SORCS3: variants seen among roughly 807,000 people sequenced by gnomAD.
SORCS3 encodes the protein sortilin related VPS10 domain containing receptor 3.
SORCS3 carries 57 observed loss-of-function variants against 146.3 expected under a neutral mutation model. The ratio of observed to expected loss-of-function variants is 0.39; its 90% CI spans 0.31 to 0.49. The LOEUF (loss-of-function observed/expected upper bound fraction) is 0.49. SORCS3 is among the 20% of genes least tolerant of loss of function. SORCS3 has a pLI of 0.92. For synonymous variants in SORCS3, 653 were observed against 618.5 expected, an observed-to-expected ratio of 1.06 and a Z score of -0.83; for missense variants, 1,341 against 1,575.5, an observed-to-expected ratio of 0.85 and a Z score of 2.52.
At chr10:104,967,151 G>C (rs529360788) in intron 3 of SORCS3, among the ~76,000 whole-genome samples, 2 of 152,188 alleles carry the variant, frequency 1.3e-5, no homozygotes, top group African/African-American at 4.8e-5. Context: ...CCAATGAAGA[G>C]ATGAGAGTGT....
intron 14 of SORCS3, among the ~76,000 whole-genome samples, chr10:105,178,463 T>C (rs574507165): frequency 4.6e-5 from 7 of 152,172 alleles, no homozygotes; most frequent in Non-Finnish European, 8.8e-5. Flanking sequence ...AGAAAACTTA[T>C]GTCGTTAGAT....
intron 6 of SORCS3, 123 bp downstream of exon 6, chr10:105,089,962 C>A: frequency 1.4e-6 from 1 of 724,656 alleles, no homozygotes; most frequent in Non-Finnish European, 2.4e-6. Flanking sequence ...CAGCCACATC[C>A]ATCCTTAATT....
chr10:105,211,129 C>T lies in SORCS3; in HGVS notation c.2262-8C>T. 1.2e-6 allele frequency: 2 copies of T among 1,602,726 alleles called. No homozygotes were observed. The highest frequency in any genetic ancestry group is 2.2e-5 in the South Asian group (2 of 90,804). On this transcript the variant is annotated splice_polypyrimidine_tract_variant and splice_region_variant and intron_variant, in intron 16 of 26. Coordinates refer to ENST00000369701, the MANE Select transcript of SORCS3 (RefSeq NM_014978.3). The stretch of plus-strand genomic sequence containing the variant: ...TATACTACTATGCAATATTCATTTT[C>T]CTGACAGTGACTATGGGTATGAGAG...
In SORCS3 at chr10:105,227,985, TTGTGTGTGTGTGTGTG is replaced by T. The variant is rs59033040; in HGVS notation, c.2868+4770_2868+4785del. On this transcript the variant is annotated intron_variant, in intron 20 of 26. Transcript: ENST00000369701. ...TTGTAGGCAGCATATTGTGGTCATT[TTGTGTGTGTGTGTGTG>T]TGTGTGTGTGTGTGTGTGTGTGTGT... Among the ~76,000 whole-genome samples the T allele has an allele frequency of 4.6e-3, 588 of 128,914 alleles. 3 individuals carry two copies. Among genetic ancestry groups the T allele is most frequent in the South Asian group, 0.013 (48 of 3,774 alleles). The allele number at this position is 128,914 out of a possible 152,430, so 84.6% of individuals were successfully genotyped here.
rs917473100 is a variant in SORCS3, at chr10:105,264,283, C to G, written c.*909C>G. ...CCACTAGAGGCTTCATACTGAGACC[C>G]AGATGGGGGAAAACAGCTTCCTCTC... On this transcript the variant is annotated 3_prime_UTR_variant, in exon 27 of 27. Transcript: ENST00000369701. 6.6e-6 allele frequency: 1 copy of G among 152,096 alleles called. No homozygotes were observed. The highest frequency in any genetic ancestry group is 1.5e-5 in the Non-Finnish European group (1 of 68,022). The allele number at this position is 152,096 out of a possible 1,614,324, so 9.4% of individuals were successfully genotyped here. A position where few individuals can be genotyped will look rare whatever the true frequency, so the allele number is the denominator to read the frequency against.
intron 1 of SORCS3, among the ~76,000 whole-genome samples, chr10:104,651,320 C>T (rs1181317128): frequency 6.6e-6 from 1 of 152,182 alleles, no homozygotes; most frequent in Non-Finnish European, 1.5e-5. Flanking sequence ...GCCTTAGTTT[C>T]ACTGGCTGTA....
chr10:104,927,877 G>GAAA (rs373654229), intron 3 of SORCS3, among the ~76,000 whole-genome samples: 206 of 141,442 alleles, frequency 1.5e-3, no homozygotes, highest in African/African-American at 4.4e-3. Flanking sequence ...GACTCCGTCT[G>GAAA]AAAAAAAAAA....
chr10:104,648,481 C>T (rs1391170550), intron 1 of SORCS3, among the ~76,000 whole-genome samples: 5 of 152,132 alleles, frequency 3.3e-5, no homozygotes, highest in Admixed American at 1.3e-4. Flanking sequence ...TCGTATGAGG[C>T]TAGTTAGAGA....
intron 1 of SORCS3, among the ~76,000 whole-genome samples, chr10:104,643,068 C>T (rs564161369): frequency 1.3e-5 from 2 of 152,350 alleles, no homozygotes; most frequent in South Asian, 4.1e-4. Flanking sequence ...CCTACTAGAG[C>T]CAGATTTGGA....
chr10:105,091,253 C>T lies in SORCS3; in HGVS notation c.1093+1414C>T, dbSNP rs12762054. On this transcript the variant is annotated intron_variant, in intron 6 of 26. Transcript: ENST00000369701. Reference sequence around the variant, plus strand: ...CTTCCTTCCCTCCTTCCTTCCTTCCCTCCTTCCTTCCTTCCCTCCTTCCTT... The same window carrying T: ...CTTCCTTCCCTCCTTCCTTCCTTCCTTCCTTCCTTCCTTCCCTCCTTCCTT... 8.9e-3 allele frequency among the ~76,000 whole-genome samples: 653 copies of T among 73,190 alleles called. 1 individual carries two copies. The highest frequency in any genetic ancestry group is 0.011 in the Non-Finnish European group (394 of 36,666). The allele number at this position is 73,190 out of a possible 152,430, so 48.0% of individuals were successfully genotyped here.
At chr10:105,037,875 T>G (rs1191487327) in intron 4 of SORCS3, among the ~76,000 whole-genome samples, 1 of 152,232 alleles carries the variant, frequency 6.6e-6, no homozygotes, top group Non-Finnish European at 1.5e-5. Context: ...TACAGTCTTT[T>G]GTTCTTCCTG....
In SORCS3 at chr10:105,263,911, A is replaced by C. The variant is rs2056976331; in HGVS notation, c.*537A>C. The C allele has an allele frequency of 6.5e-6, 1 of 152,988 alleles. No homozygotes were observed. Among genetic ancestry groups the C allele is most frequent in the East Asian group, 1.9e-4 (1 of 5,194 alleles). 9.5% of individuals were successfully genotyped at this position (152,988 alleles called of 1,614,324 possible). A position where few individuals can be genotyped will look rare whatever the true frequency, so the allele number is the denominator to read the frequency against. Reference sequence around the variant, plus strand: ...AGGCTACAGATGGCTTATTGTATATAATTACAATGTAAATAGCTTTTTATT... The same window carrying C: ...AGGCTACAGATGGCTTATTGTATATCATTACAATGTAAATAGCTTTTTATT... On this transcript the variant is annotated 3_prime_UTR_variant, in exon 27 of 27. Coordinates refer to ENST00000369701, the MANE Select transcript of SORCS3 (RefSeq NM_014978.3).
intron 3 of SORCS3, among the ~76,000 whole-genome samples, chr10:104,919,643 C>A (rs961757242): frequency 3.3e-5 from 5 of 151,828 alleles, no homozygotes; most frequent in Admixed American, 1.3e-4. Context: ...GAGCAGAGGT[C>A]ACACCATTGC....
chr10:104,680,320 G>C (rs964924581), intron 1 of SORCS3, among the ~76,000 whole-genome samples: 5 of 152,222 alleles, frequency 3.3e-5, no homozygotes, highest in African/African-American at 1.2e-4. Context: ...AGCTGCCTGG[G>C]GTGGTAGATG....
At chr10:105,153,841 C>G (rs575734029) in intron 9 of SORCS3, among the ~76,000 whole-genome samples, 1 of 151,852 alleles carries the variant, frequency 6.6e-6, no homozygotes, top group African/African-American at 2.4e-5. Flanking sequence ...GAGACCCAGG[C>G]GGGCGAATCA....
chr10:104,944,965 A>T (rs2019355524), intron 3 of SORCS3, among the ~76,000 whole-genome samples: 1 of 152,242 alleles, frequency 6.6e-6, no homozygotes, highest in Admixed American at 6.5e-5. Context: ...AAAATGGACT[A>T]ATAATTGTGG....
intron 4 of SORCS3, among the ~76,000 whole-genome samples, chr10:104,998,776 C>T (rs2055041564): frequency 6.6e-6 from 1 of 152,088 alleles, no homozygotes; most frequent in South Asian, 2.1e-4. Flanking sequence ...GACAGTTTCC[C>T]AGTGGAGAAT....
chr10:104,927,637 G>T (rs2019161474), intron 3 of SORCS3, among the ~76,000 whole-genome samples: 1 of 152,050 alleles, frequency 6.6e-6, no homozygotes, highest in Non-Finnish European at 1.5e-5. Flanking sequence ...CCAGCACTTT[G>T]GGAGGCCGAG....
intron 20 of SORCS3, among the ~76,000 whole-genome samples, chr10:105,232,606 T>C (rs908956430): frequency 6.6e-6 from 1 of 151,742 alleles, no homozygotes; most frequent in African/African-American, 2.4e-5. Flanking sequence ...TCTTGTTTCC[T>C]GAGATGGGAG....
Sources: gnomAD v4.1 joint callset for allele counts (sites outside exome capture counted in the v4.1 genomes callset) on GRCh38, gnomAD v4.1.1 for gene constraint, MANE v1.5 for transcripts, NCBI Gene and HGNC (gene_info 2026-07-23, HGNC 2026-07-21) for gene names.